The following PBRM1 variants were observed in gnomAD, a reference collection of about 807,000 sequenced individuals.
PBRM1 encodes the protein protein polybromo-1.
In PBRM1, 27 loss-of-function variants were observed where a neutral mutation model predicts 194.5. The observed-to-expected ratio is 0.14, with a 90% CI of 0.10 to 0.19. The LOEUF (loss-of-function observed/expected upper bound fraction) is 0.19. Ranked by LOEUF, PBRM1 falls within the 10% of genes least tolerant of loss-of-function variation. The pLI is 1.00. For synonymous variants in PBRM1, 655 were observed against 693.2 expected, an observed-to-expected ratio of 0.94 and a Z score of 0.87; for missense variants, 1,466 against 2,077.2, an observed-to-expected ratio of 0.71 and a Z score of 5.72.
intron 2 of PBRM1, among the ~76,000 whole-genome samples, chr3:52,670,494 T>C (rs748016206): frequency 9.9e-5 from 15 of 152,238 alleles, no homozygotes; most frequent in Non-Finnish European, 1.9e-4. Context: ...CAGGATTATA[T>C]TGTATGTTCT....
At chr3:52,654,667 A>C (rs984344766) in intron 5 of PBRM1, among the ~76,000 whole-genome samples, 2 of 152,184 alleles carry the variant, frequency 1.3e-5, no homozygotes, top group South Asian at 2.1e-4. Context: ...TCATTGCCCC[A>C]TATCACTGTT....
intron 13 of PBRM1, among the ~76,000 whole-genome samples, chr3:52,621,327 T>C (rs1389531585): frequency 6.6e-6 from 1 of 151,998 alleles, no homozygotes; most frequent in Non-Finnish European, 1.5e-5. Context: ...GCCTGGCTAA[T>C]TTTGTTTTTG....
At position 52,609,112 on chromosome 3, in the gene PBRM1, G is replaced by A; in HGVS notation, c.2567+201C>T. 2.0e-6 allele frequency: 1 copy of A among 499,980 alleles called. No individual in the cohort carries two copies. 31.0% of individuals were successfully genotyped at this position (499,980 alleles called of 1,614,324 possible). A position where few individuals can be genotyped will look rare whatever the true frequency, so the allele number is the denominator to read the frequency against. On this transcript the variant is annotated intron_variant, in intron 16 of 29. Transcript: ENST00000296302. The surrounding 1 kb of genome is among the most constrained non-coding windows in gnomAD (Gnocchi z 4.1). The stretch of plus-strand genomic sequence containing the variant: ...CTTCCTCCTCACTGGCCTTAAACTA[G>A]ATGACTTAGTGGTGTGCCTTCTCTC...
chr3:52,576,902 C>G (rs113819715), intron 21 of PBRM1, among the ~76,000 whole-genome samples: 6 of 152,256 alleles, frequency 3.9e-5, no homozygotes, highest in African/African-American at 1.4e-4. Flanking sequence ...GAACATTTGA[C>G]TATTTTTCCA....
chr3:52,614,615 G>A (rs1322191520), intron 15 of PBRM1, among the ~76,000 whole-genome samples: 1 of 148,868 alleles, frequency 6.7e-6, no homozygotes, highest in African/African-American at 2.5e-5. Context: ...CTGTCGCCCA[G>A]GCTGAAGTAC....
At chr3:52,559,205 T>A (rs1266208286) in intron 25 of PBRM1, among the ~76,000 whole-genome samples, 1 of 152,060 alleles carries the variant, frequency 6.6e-6, no homozygotes, top group Non-Finnish European at 1.5e-5. Context: ...AATTCCAGAA[T>A]CCCTCTTACT....
At chr3:52,562,093 A>T in intron 24 of PBRM1, 125 bp from the exon 27 acceptor site, 1 of 698,710 alleles carries the variant, frequency 1.4e-6, no homozygotes, top group Non-Finnish European at 2.6e-6. Context: ...GGGCCGAGAC[A>T]GGTGGATCAC....
At chr3:52,547,964 ATTATCCTCCT>A (rs754458000), downstream of PBRM1, 3 of 976,016 alleles carry the variant, frequency 3.1e-6, no homozygotes, top group Non-Finnish European at 4.6e-6. Context: ...TGCAATAAAA[ATTATCCTCCT>A]TTGTTCCTTC....
intron 3 of PBRM1, among the ~76,000 whole-genome samples, chr3:52,663,689 T>C (rs534103084): frequency 6.6e-5 from 10 of 152,252 alleles, no homozygotes; most frequent in Middle Eastern, 3.4e-3. Flanking sequence ...ATGTATTAGA[T>C]ATTGGAATTC....
At chr3:52,668,851 C>T (rs2096893469) in intron 2 of PBRM1, among the ~76,000 whole-genome samples, 1 of 151,528 alleles carries the variant, frequency 6.6e-6, no homozygotes, top group Non-Finnish European at 1.5e-5. Flanking sequence ...CACTCATTCC[C>T]TTTTCAAAAC....
chr3:52,627,180 A>G (rs1454739744), intron 13 of PBRM1, 93 bp downstream of exon 14: 8 of 677,286 alleles, frequency 1.2e-5, no homozygotes, highest in Non-Finnish European at 2.1e-5. Flanking sequence ...AAAGCTTACA[A>G]CTTGATAGCT....
exon 11 of PBRM1, chr3:52,634,619 T>C (rs1266329257): frequency 1.2e-6 from 2 of 1,605,302 alleles, no homozygotes; most frequent in African/African-American, 2.7e-5. Flanking sequence ...GTTGTAGTGA[T>C]ATGGGCATTT....
At chr3:52,652,699 AT>A (rs201984958) in intron 5 of PBRM1, among the ~76,000 whole-genome samples, 72 of 150,680 alleles carry the variant, frequency 4.8e-4, no homozygotes, top group East Asian at 3.9e-4. Context: ...CAAAAAAAAA[AT>A]AAATAATCTA....
At chr3:52,551,632 C>T (rs2081008861) in intron 27 of PBRM1, among the ~76,000 whole-genome samples, 1 of 152,124 alleles carries the variant, frequency 6.6e-6, no homozygotes, top group Non-Finnish European at 1.5e-5. Context: ...TTTCAGGGTG[C>T]ATATTTGCTA....
chr3:52,547,994 C>G, exon 30 of PBRM1: 1 of 1,339,058 alleles, frequency 7.5e-7, no homozygotes, highest in Middle Eastern at 2.2e-4. Flanking sequence ...CCCCCCACCC[C>G]CAGTAACTAA....
At chr3:52,679,116 G>A (rs1420961822) in intron 1 of PBRM1, among the ~76,000 whole-genome samples, 1 of 152,172 alleles carries the variant, frequency 6.6e-6, no homozygotes, top group Non-Finnish European at 1.5e-5. Context: ...CTCTGCACTG[G>A]TTCTGTCTGG....
exon 18 of PBRM1, chr3:52,589,110 T>C: frequency 6.2e-7 from 1 of 1,613,878 alleles, no homozygotes; most frequent in Non-Finnish European, 8.5e-7. Flanking sequence ...AGACGATATG[T>C]GGTTGTAGGT....
chr3:52,610,274 A>G (rs1039874326), intron 15 of PBRM1, among the ~76,000 whole-genome samples: 3 of 152,238 alleles, frequency 2.0e-5, no homozygotes, highest in African/African-American at 7.2e-5. Flanking sequence ...TGGGATAAAA[A>G]GAGATAACGG....
intron 4 of PBRM1, among the ~76,000 whole-genome samples, chr3:52,659,437 CT>C (rs962306058): frequency 3.0e-4 from 46 of 152,050 alleles, no homozygotes; most frequent in African/African-American, 1.1e-3. Flanking sequence ...AGGTGCAACA[CT>C]TTTTTTTCCT....
Sources: allele counts gnomAD v4.1 joint callset (sites outside exome capture counted in the v4.1 genomes callset), GRCh38; gene constraint gnomAD v4.1.1; non-coding constraint Gnocchi (gnomAD v3.1); transcripts MANE v1.5; gene names NCBI Gene and HGNC (gene_info 2026-07-23, HGNC 2026-07-21).